SHLD2: variants seen among roughly 807,000 people sequenced by gnomAD.
SHLD2 encodes RINN1-REV7-interacting novel NHEJ regulator 2.
Under a neutral mutation model 73.2 loss-of-function variants are expected in SHLD2, and 30 were observed. The observed-to-expected ratio is 0.41, with a 90% confidence interval of 0.31 to 0.56. The LOEUF (loss-of-function observed/expected upper bound fraction) is 0.56. Among genes scored for constraint, SHLD2 ranks in the 20% least tolerant of loss-of-function variants. The pLI is 0.28. For synonymous variants in SHLD2, 285 were observed against 370.1 expected (o/e 0.77, Z 2.64); for missense variants, 745 against 1,055.9 (o/e 0.71, Z 4.08).
intron 2 of SHLD2, among the ~76,000 whole-genome samples, chr10:87,136,027 G>A (rs928759285): frequency 1.3e-5 from 2 of 151,598 alleles, no homozygotes; most frequent in East Asian, 1.9e-4. Context: ...CAAGGGCAAA[G>A]TGTCTATATA....
chr10:87,153,387 CAG>C (rs1207488444), intron 3 of SHLD2, among the ~76,000 whole-genome samples: 3 of 152,226 alleles, frequency 2.0e-5, no homozygotes, highest in African/African-American at 7.2e-5. Flanking sequence ...GCCCGAGCAA[CAG>C]AGTTAGACCT....
At chr10:87,157,455 G>T (rs1444551128) in intron 3 of SHLD2, among the ~76,000 whole-genome samples, 1 of 152,016 alleles carries the variant, frequency 6.6e-6, no homozygotes, top group Non-Finnish European at 1.5e-5. Context: ...CTACCTGTTG[G>T]TATGTTTAGT....
At chr10:87,124,667 T>G (rs2984862) in intron 2 of SHLD2, among the ~76,000 whole-genome samples, 5 of 152,216 alleles carry the variant, frequency 3.3e-5, no homozygotes, top group African/African-American at 4.8e-5. Flanking sequence ...TCAACTCAAC[T>G]TCTTACATTT....
intron 2 of SHLD2, among the ~76,000 whole-genome samples, chr10:87,130,986 G>A (rs1056303763): frequency 6.6e-6 from 1 of 152,114 alleles, no homozygotes; most frequent in African/African-American, 2.4e-5. Context: ...AGGATCGCGT[G>A]AGCCTGGGAT....
At chr10:87,108,831 T>C (rs1781659543) in intron 2 of SHLD2, among the ~76,000 whole-genome samples, 1 of 152,052 alleles carries the variant, frequency 6.6e-6, no homozygotes, top group South Asian at 2.1e-4. Context: ...CTATGGTAGA[T>C]GGTATTGGTA....
intron 2 of SHLD2, among the ~76,000 whole-genome samples, chr10:87,144,044 A>G (rs1229405112): frequency 2.6e-5 from 4 of 151,740 alleles, no homozygotes; most frequent in Non-Finnish European, 5.9e-5. Context: ...TTGTGTTTTT[A>G]GTAGAGACGG....
intron 8 of SHLD2, among the ~76,000 whole-genome samples, chr10:87,185,425 A>G (rs1290366691): frequency 1.3e-5 from 2 of 152,128 alleles, no homozygotes; most frequent in Non-Finnish European, 2.9e-5. Flanking sequence ...TCTTGGGTAT[A>G]TATTTAGGAG....
At position 87,138,208 on chromosome 10, in the gene SHLD2, G is replaced by A. The variant is rs374516478; in HGVS notation, c.-5-13142G>A. 2.0e-4 allele frequency among the ~76,000 whole-genome samples: 31 copies of A among 152,180 alleles called. No individual in the cohort carries two copies. The East Asian group carries it at 5.6e-3, about 27-fold the overall frequency. On this transcript the variant is annotated intron_variant, in intron 2 of 9. Transcript: ENST00000298786. ...AGCTACTCGGGAGGCTGAGGCAGGA[G>A]AATCACTTGAACCCAGGAGGTGGAG...
intron 4 of SHLD2, among the ~76,000 whole-genome samples, chr10:87,167,577 A>G (rs965867506): frequency 6.6e-6 from 1 of 152,160 alleles, no homozygotes; most frequent in Admixed American, 6.5e-5. Flanking sequence ...CTGGGAAATA[A>G]TTATGATGAA....
intron 6 of SHLD2, among the ~76,000 whole-genome samples, chr10:87,171,536 G>A (rs1187459918): frequency 2.6e-5 from 4 of 152,074 alleles, no homozygotes; most frequent in Admixed American, 6.6e-5. Context: ...TGAATTAAAT[G>A]GAATTGATGT....
At chr10:87,094,973 G>A, upstream of SHLD2, 1 of 209,314 alleles carries the variant, frequency 4.8e-6, no homozygotes, top group Non-Finnish European at 9.2e-6. This position sits in a 1 kb window ranked among gnomAD's most constrained non-coding sequence, Gnocchi z 6.6. Flanking sequence ...AGGGCGCCGG[G>A]CCTCCGCCTC....
chr10:87,123,468 G>T (rs1019901209), intron 2 of SHLD2, among the ~76,000 whole-genome samples: 3 of 151,602 alleles, frequency 2.0e-5, no homozygotes, highest in African/African-American at 7.3e-5. Context: ...GCTAAGTTTT[G>T]CATTTTTAGC....
chr10:87,097,017 A>G (rs981294735), intron 2 of SHLD2, 28 bp downstream of exon 2: 2 of 152,122 alleles, frequency 1.3e-5, no homozygotes, highest in African/African-American at 4.8e-5. Context: ...TTCTGGATGT[A>G]TTATCGTTTT....
rs369770417 is a variant in SHLD2, at chr10:87,104,175, T to G, written c.-6+7186T>G. 8.5e-5 allele frequency among the ~76,000 whole-genome samples: 12 copies of G among 141,294 alleles called. No homozygotes were observed. The East Asian group carries it at 2.1e-3, about 25-fold the overall frequency. 92.7% of individuals were successfully genotyped at this position (141,294 alleles called of 152,430 possible). A position where few individuals can be genotyped will look rare whatever the true frequency, so the allele number is the denominator to read the frequency against. On this transcript the variant is annotated intron_variant, in intron 2 of 9. Transcript: ENST00000298786. ...TCGCTTGAACCCGGGAGGCGGAGGT[T>G]GTAGTGAGCCGAGATTGTGCCACTG...
chr10:87,134,872 G>T (rs1005292587), intron 2 of SHLD2, among the ~76,000 whole-genome samples: 40 of 152,176 alleles, frequency 2.6e-4, no homozygotes, highest in African/African-American at 9.2e-4. Context: ...CTGGCCTCCA[G>T]AAGGCTGGCT....
At chr10:87,097,854 G>A (rs1176704073) in intron 2 of SHLD2, among the ~76,000 whole-genome samples, 1 of 152,034 alleles carries the variant, frequency 6.6e-6, no homozygotes, top group Admixed American at 6.5e-5. Context: ...CTGCCTCCCA[G>A]GTTCCAGTGA....
intron 2 of SHLD2, among the ~76,000 whole-genome samples, chr10:87,105,241 A>G (rs1391060500): frequency 1.3e-5 from 2 of 152,226 alleles, no homozygotes; most frequent in African/African-American, 2.4e-5. Flanking sequence ...AGTGTAAGGT[A>G]AAAATTGGGG....
At chr10:87,130,961 G>C (rs571810224) in intron 2 of SHLD2, among the ~76,000 whole-genome samples, 102 of 152,194 alleles carry the variant, frequency 6.7e-4, no homozygotes, top group Admixed American at 4.2e-3. Flanking sequence ...CAGCTACTTG[G>C]GAGTTTGAGG....
intron 4 of SHLD2, among the ~76,000 whole-genome samples, chr10:87,162,552 G>T (rs537539579): frequency 1.3e-5 from 2 of 152,034 alleles, no homozygotes; most frequent in African/African-American, 4.8e-5. Context: ...AAATCAGCCC[G>T]GTGTGGTGGT....
Sources: gnomAD v4.1 joint callset for allele counts (sites outside exome capture counted in the v4.1 genomes callset) on GRCh38, gnomAD v4.1.1 for gene constraint, Gnocchi (gnomAD v3.1) non-coding constraint, MANE v1.5 for transcripts, NCBI Gene and HGNC (gene_info 2026-07-23, HGNC 2026-07-21) for gene names.